TENM2: variants seen among roughly 807,000 people sequenced by gnomAD.
TENM2 encodes the protein teneurin transmembrane protein 2.
TENM2 carries 52 observed loss-of-function variants against 245.2 expected under a neutral mutation model. The observed-to-expected ratio is 0.21, with a 90% CI of 0.17 to 0.27. TENM2 has a LOEUF of 0.27. TENM2 is among the 10% of genes least tolerant of loss of function. TENM2 has a pLI of 1.00. For synonymous variants in TENM2, 1,363 were observed against 1,438.9 expected (o/e 0.95, Z 1.19); for missense variants, 3,046 against 3,666.8 (o/e 0.83, Z 4.37).
chr5:168,049,154 G>A (rs1310568779), intron 6 of TENM2, among the ~76,000 whole-genome samples: 1 of 152,124 alleles, frequency 6.6e-6, no homozygotes, highest in Non-Finnish European at 1.5e-5. Flanking sequence ...AGTTGGAAGG[G>A]GCATGGCAGG....
the TENM2 span, among the ~76,000 whole-genome samples, chr5:167,026,770 G>A: frequency 1.3e-5 from 2 of 152,320 alleles, no homozygotes; most frequent in Middle Eastern, 6.8e-3. Flanking sequence ...TTACAAATGT[G>A]TGGAAGTTTT....
chr5:167,839,331 CTGA>C (rs1769273639), intron 2 of TENM2, among the ~76,000 whole-genome samples: 1 of 152,198 alleles, frequency 6.6e-6, no homozygotes, highest in African/African-American at 2.4e-5. Flanking sequence ...AATAATTTCA[CTGA>C]TGATTTATTG....
intron 3 of TENM2, among the ~76,000 whole-genome samples, chr5:167,894,921 AGAAGGAAGGAAGGAAG>A (rs368233260): frequency 0.12 from 9,622 of 82,840 alleles, 654 homozygotes; most frequent in African/African-American, 0.15. Flanking sequence ...CACCCTGGAA[AGAAGGAAGGAAGGAAG>A]GAAGGAAGGA....
At chr5:167,015,519 G>A in the TENM2 span, among the ~76,000 whole-genome samples, 2 of 152,120 alleles carry the variant, frequency 1.3e-5, no homozygotes, top group Non-Finnish European at 2.9e-5. Context: ...TTATATTCAT[G>A]TACTTCCCAG....
At chr5:167,395,557 A>G (rs1458424891) in intron 2 of TENM2, among the ~76,000 whole-genome samples, 1 of 152,172 alleles carries the variant, frequency 6.6e-6, no homozygotes, top group Middle Eastern at 3.2e-3. Context: ...TGGTAAGAGC[A>G]TGTATCCTTG....
At chr5:167,007,477 A>G in the TENM2 span, among the ~76,000 whole-genome samples, 1 of 152,388 alleles carries the variant, frequency 6.6e-6, no homozygotes, top group East Asian at 1.9e-4. The surrounding 1 kb of genome is among the most constrained non-coding windows in gnomAD (Gnocchi z 4.2). Context: ...AAAAGTATCA[A>G]AAGCGAAAAG....
At chr5:167,113,870 A>T in the TENM2 span, among the ~76,000 whole-genome samples, 1 of 152,188 alleles carries the variant, frequency 6.6e-6, no homozygotes, top group Non-Finnish European at 1.5e-5. Context: ...ATGAGTTCAA[A>T]GATGATGAGA....
chr5:167,177,627 A>C, the TENM2 span, among the ~76,000 whole-genome samples: 1 of 152,202 alleles, frequency 6.6e-6, no homozygotes, highest in African/African-American at 2.4e-5. Flanking sequence ...GACTCAGAGA[A>C]AGTTCAATTC....
chr5:167,462,582 G>T (rs1380675781), intron 2 of TENM2, among the ~76,000 whole-genome samples: 3 of 152,024 alleles, frequency 2.0e-5, no homozygotes, highest in Non-Finnish European at 4.4e-5. Flanking sequence ...AGCTGGAAAG[G>T]GGATGGAGTG....
intron 2 of TENM2, among the ~76,000 whole-genome samples, chr5:167,614,435 T>C (rs1235058982): frequency 6.6e-6 from 1 of 152,064 alleles, no homozygotes; most frequent in Non-Finnish European, 1.5e-5. Context: ...GGTAGTAATA[T>C]ACGAAGACAG....
intron 2 of TENM2, among the ~76,000 whole-genome samples, chr5:167,565,595 A>C (rs1773855918): frequency 6.6e-6 from 1 of 152,246 alleles, no homozygotes; most frequent in African/African-American, 2.4e-5. Flanking sequence ...GCACAAAGAA[A>C]TGATAGGGCT....
intron 2 of TENM2, among the ~76,000 whole-genome samples, chr5:167,496,562 T>C (rs2127550464): frequency 6.6e-6 from 1 of 152,266 alleles, no homozygotes; most frequent in Non-Finnish European, 1.5e-5. Flanking sequence ...GTATCCACTT[T>C]TCTTTTATTA....
rs535613064 is a variant in TENM2 at position 167,340,643 on chromosome 5, C to A, written c.227-34555C>A. 1.1e-3 allele frequency among the ~76,000 whole-genome samples: 160 copies of A among 152,288 alleles called. 1 individual carries two copies. Among genetic ancestry groups the A allele is most frequent in the African/African-American group, 3.5e-3 (145 of 41,560 alleles). On this transcript the variant is annotated intron_variant, in intron 1 of 28. Transcript: ENST00000518659. The stretch of plus-strand genomic sequence containing the variant: ...AATATACTAGCACTGGACTTTAGGG[C>A]TTCAGCTTATACATTTTGGTGGGAC...
At chr5:167,513,250 T>C (rs1770090476) in intron 2 of TENM2, among the ~76,000 whole-genome samples, 1 of 152,196 alleles carries the variant, frequency 6.6e-6, no homozygotes, top group African/African-American at 2.4e-5. Context: ...TGAGGGTTTT[T>C]GAAAAGGCCT....
chr5:167,716,602 C>A (rs1439901187), intron 2 of TENM2, among the ~76,000 whole-genome samples: 1 of 152,126 alleles, frequency 6.6e-6, no homozygotes, highest in Non-Finnish European at 1.5e-5. Flanking sequence ...AAAAAAGTTG[C>A]ATTTTATTTG....
intron 8 of TENM2, among the ~76,000 whole-genome samples, chr5:168,095,915 G>T (rs1793328914): frequency 6.6e-6 from 1 of 152,138 alleles, no homozygotes; most frequent in Admixed American, 6.6e-5. Flanking sequence ...CCAAGCCCCA[G>T]TTCCCTCAGA....
At chr5:167,299,546 T>C (rs920007567) in intron 1 of TENM2, among the ~76,000 whole-genome samples, 1 of 152,200 alleles carries the variant, frequency 6.6e-6, no homozygotes, top group African/African-American at 2.4e-5. Flanking sequence ...ACTGAGAAGT[T>C]ATTTCCTTGA....
At chr5:167,895,212 C>T (rs1294364944) in intron 3 of TENM2, among the ~76,000 whole-genome samples, 2 of 152,044 alleles carry the variant, frequency 1.3e-5, no homozygotes, top group African/African-American at 4.8e-5. Flanking sequence ...CCCTCCTCCT[C>T]TTCCTCTCCC....
intron 2 of TENM2, among the ~76,000 whole-genome samples, chr5:167,553,225 A>T (rs1773071053): frequency 6.6e-6 from 1 of 152,206 alleles, no homozygotes. Context: ...GGACACATAA[A>T]GACATGAGCA....
Sources: gnomAD v4.1 joint callset for allele counts (sites outside exome capture counted in the v4.1 genomes callset) on GRCh38, gnomAD v4.1.1 for gene constraint, Gnocchi (gnomAD v3.1) non-coding constraint, MANE v1.5 for transcripts, NCBI Gene and HGNC (gene_info 2026-07-23, HGNC 2026-07-21) for gene names.